CEP70: variants seen among roughly 807,000 people sequenced by gnomAD.
CEP70 encodes centrosomal protein 70.
A neutral mutation model predicts 90.9 loss-of-function variants in CEP70; 70 were observed. That is an observed-to-expected ratio of 0.77 (90% confidence interval 0.64 to 0.94). The LOEUF (loss-of-function observed/expected upper bound fraction) is 0.94. Ranked by LOEUF, CEP70 falls within the 40% of genes least tolerant of loss-of-function variation. CEP70 has a pLI of 0.00. For synonymous variants in CEP70, 220 were observed against 228.3 expected (o/e 0.96, Z 0.33); for missense variants, 648 against 669.0 (o/e 0.97, Z 0.35).
rs2035203835 is a variant in CEP70, at chr3:138,508,502, C to T, written c.987G>A (p.Glu329=). The change falls in exon 12 of 18, where the codon GAG becomes GAA. Residue 329 remains glutamate, a synonymous_variant. Transcript: ENST00000264982. ...LINHKKAEDT[E]KKDEPSKYNQ... ...TATATTTGCTGGGCTCATCTTTCTT[C>T]TCTGTGTCCTCAGCCTTCTTATGAT... The T allele has an allele frequency of 6.2e-7, 1 of 1,612,622 alleles. No individual in the cohort carries two copies. The highest frequency in any genetic ancestry group is 8.5e-7 in the Non-Finnish European group (1 of 1,178,982).
intron 6 of CEP70, among the ~76,000 whole-genome samples, chr3:138,554,334 T>C (rs1472315952): frequency 2.6e-5 from 4 of 152,162 alleles, no homozygotes; most frequent in African/African-American, 4.8e-5. Context: ...AAAAGTATTA[T>C]GAAAGCATTC....
At chr3:138,507,018 C>A (rs936701514) in intron 12 of CEP70, among the ~76,000 whole-genome samples, 10 of 152,074 alleles carry the variant, frequency 6.6e-5, no homozygotes, top group Non-Finnish European at 1.3e-4. Context: ...GTTAAGATTA[C>A]AGGCATGAGC....
Position 138,591,092 on chromosome 3 carries a change from G to A in CEP70, c.-6+762C>T, listed in dbSNP as rs1317780152. On this transcript the variant is annotated intron_variant, in intron 2 of 17. Transcript: ENST00000264982. Reference sequence around the variant, plus strand: ...CCTAACCAAAATAAAGCTGGTACGGGTTGAACGTTCCTAATATGAATATTT... The same window carrying A: ...CCTAACCAAAATAAAGCTGGTACGGATTGAACGTTCCTAATATGAATATTT... 1.3e-5 allele frequency among the ~76,000 whole-genome samples: 2 copies of A among 152,150 alleles called. 1 individual carries two copies. Among genetic ancestry groups the A allele is most frequent in the African/African-American group, 4.8e-5 (2 of 41,426 alleles).
At chr3:138,552,336 T>C (rs1214353774) in intron 6 of CEP70, among the ~76,000 whole-genome samples, 1 of 152,098 alleles carries the variant, frequency 6.6e-6, no homozygotes, top group African/African-American at 2.4e-5. Flanking sequence ...TTAACAGATA[T>C]TTACAACACA....
Position 138,571,314 on chromosome 3 carries a change from T to G in CEP70, c.112A>C (p.Met38Leu). 1.2e-6 allele frequency: 2 copies of G among 1,611,816 alleles called. No individual in the cohort carries two copies. Among genetic ancestry groups the G allele is most frequent in the Non-Finnish European group, 1.7e-6 (2 of 1,178,886 alleles). Residue 38 changes from methionine to leucine, a missense_variant, in exon 4 of 18, where the codon ATG (methionine) becomes CTG (leucine). Transcript: ENST00000264982. ...EWESINVLLMMHGLKPLSLVK... is the reference protein window; with the variant it reads ...EWESINVLLMLHGLKPLSLVK... ...AGAGACAAAGGTTTTAAGCCATGCATCATCAATAGCACATTTATGCTTTCC... is the reference window on the plus strand; with the variant it reads ...AGAGACAAAGGTTTTAAGCCATGCAGCATCAATAGCACATTTATGCTTTCC...
intron 2 of CEP70, among the ~76,000 whole-genome samples, chr3:138,586,120 T>C (rs2042093176): frequency 6.6e-6 from 1 of 151,922 alleles, no homozygotes; most frequent in Non-Finnish European, 1.5e-5. Flanking sequence ...ATTTGTAAAC[T>C]ACCCATCTGA....
intron 7 of CEP70, among the ~76,000 whole-genome samples, chr3:138,534,906 C>A (rs1479934059): frequency 6.6e-6 from 1 of 152,214 alleles, no homozygotes; most frequent in Non-Finnish European, 1.5e-5. Flanking sequence ...CAACTCCTAT[C>A]CATCTTTGCA....
At position 138,529,296 on chromosome 3, in the gene CEP70, C is replaced by G; in HGVS notation, c.781-9G>C. ...AGTTGATTCTGTAATGACTGCAACA[C>G]ATTTCATAGAAAAATAATTAACTTT... On this transcript the variant is annotated splice_polypyrimidine_tract_variant and intron_variant, in intron 9 of 17. Transcript: ENST00000264982. 1.3e-6 allele frequency: 2 copies of G among 1,585,186 alleles called. No individual in the cohort carries two copies. Among genetic ancestry groups the G allele is most frequent in the African/African-American group, 2.7e-5 (2 of 73,632 alleles).
intron 6 of CEP70, among the ~76,000 whole-genome samples, chr3:138,556,151 A>C (rs2039987343): frequency 6.6e-6 from 1 of 152,230 alleles, no homozygotes; most frequent in Non-Finnish European, 1.5e-5. Flanking sequence ...CTATTATTCT[A>C]AGTGAAGTAA....
At position 138,576,216 on chromosome 3, in the gene CEP70, G is replaced by A. The variant is rs188800278; in HGVS notation, c.-5-3284C>T. Among the ~76,000 whole-genome samples the A allele has an allele frequency of 4.8e-3, 725 of 152,248 alleles. 4 individuals carry two copies. Among genetic ancestry groups the A allele is most frequent in the African/African-American group, 0.017 (699 of 41,552 alleles). ...TGTATTCAGGAGACCCATCTCATGT[G>A]CAGAGACACACATAGGCTCAAAATA... On this transcript the variant is annotated intron_variant, in intron 2 of 17. Coordinates refer to ENST00000264982, the MANE Select transcript of CEP70 (RefSeq NM_024491.4).
At chr3:138,571,420 T>C in intron 3 of CEP70, 64 bp from the exon 4 acceptor site, 1 of 1,097,516 alleles carries the variant, frequency 9.1e-7, no homozygotes, top group Non-Finnish European at 1.4e-6. Context: ...TTCTCTCATA[T>C]ATAATTTCCT....
At chr3:138,529,586 T>C in intron 8 of CEP70, 124 bp from the exon 9 acceptor site, 1 of 640,006 alleles carries the variant, frequency 1.6e-6, no homozygotes, top group South Asian at 2.0e-5. Flanking sequence ...CATTTCCTAC[T>C]TGTTCTCATA....
chr3:138,568,749 G>A (rs2040953811), intron 6 of CEP70, among the ~76,000 whole-genome samples: 1 of 152,144 alleles, frequency 6.6e-6, no homozygotes, highest in South Asian at 2.1e-4. Flanking sequence ...GGGAGGCTGA[G>A]GCGGGTGGAT....
intron 6 of CEP70, among the ~76,000 whole-genome samples, chr3:138,554,029 T>A (rs1399839783): frequency 6.6e-6 from 1 of 151,824 alleles, no homozygotes; most frequent in Admixed American, 6.6e-5. Context: ...AATGAAACCC[T>A]GTCTCTACTA....
At chr3:138,519,482 T>C (rs1333676390) in intron 11 of CEP70, among the ~76,000 whole-genome samples, 2 of 152,162 alleles carry the variant, frequency 1.3e-5, no homozygotes, top group African/African-American at 4.8e-5. Flanking sequence ...ACAGCTCATC[T>C]CTCAGCAGAA....
intron 13 of CEP70, among the ~76,000 whole-genome samples, chr3:138,502,983 G>T (rs1398210222): frequency 6.6e-6 from 1 of 152,142 alleles, no homozygotes; most frequent in Non-Finnish European, 1.5e-5. Context: ...GAGGCAGCTG[G>T]CTCCATGTCT....
Sources: gnomAD v4.1 joint callset for allele counts (sites outside exome capture counted in the v4.1 genomes callset) on GRCh38, gnomAD v4.1.1 for gene constraint, MANE v1.5 for transcripts, NCBI Gene and HGNC (gene_info 2026-07-23, HGNC 2026-07-21) for gene names.